The following RRBP1 variants were observed in gnomAD, a reference collection of about 807,000 sequenced individuals.
RRBP1 encodes ribosome binding protein 1.
Under a neutral mutation model 165.2 loss-of-function variants are expected in RRBP1, and 94 were observed. The ratio of observed to expected loss-of-function variants is 0.57; its 90% confidence interval spans 0.48 to 0.68. The LOEUF (loss-of-function observed/expected upper bound fraction) is 0.68, where lower values mean the gene tolerates loss of function less well. Among genes scored for constraint, RRBP1 ranks in the 30% least tolerant of loss-of-function variants. The probability of loss-of-function intolerance (pLI) is 0.00; values close to 1 mark genes in which losing one functional copy is unlikely to be tolerated. For missense variants in RRBP1, 1,676 were observed against 1,763.0 expected, an observed-to-expected ratio of 0.95 and a Z score of 0.88; for synonymous variants, 680 against 714.5, an observed-to-expected ratio of 0.95 and a Z score of 0.77.
intron 21 of RRBP1, 37 bp from the exon 22 acceptor site, chr20:17,616,046 T>A (rs745993034): frequency 1.3e-6 from 2 of 1,573,954 alleles, no homozygotes; most frequent in Non-Finnish European, 1.7e-6. Flanking sequence ...GGCAGCCCGG[T>A]GAGGAACCCT....
In RRBP1 at chr20:17,620,758, A is replaced by G. The variant is rs751915116; in HGVS notation, c.3464T>C (p.Val1155Ala). 1 of 1,608,662 alleles carries G rather than the reference A, an allele frequency of 6.2e-7. No homozygotes were observed. The highest frequency in any genetic ancestry group is 2.2e-5 in the East Asian group (1 of 44,868). The part of the protein sequence containing the change: ...LQKSVEEEEQ[V>A]WRAKVGAAEE... ...TGCGGCGCCCACCTTGGCCCTCCAC[A>G]CCTGCTCCTCCTCCTCCACGCTCTT... Residue 1155 changes from valine to alanine, a missense_variant, in exon 17 of 25, where the codon GTG becomes GCG. Val to Ala is a moderately conservative substitution (Grantham distance 64, BLOSUM62 0). This residue lies in a region of RRBP1 where 1,184 missense variants were observed against 1,167.1 expected (regional missense o/e 1.01). Coordinates refer to ENST00000377813, the MANE Select transcript of RRBP1 (RefSeq NM_001365613.2).
intron 13 of RRBP1, among the ~76,000 whole-genome samples, chr20:17,623,510 ACCCGTGGG>A (rs1169054825): frequency 6.6e-6 from 1 of 152,128 alleles, no homozygotes; most frequent in Non-Finnish European, 1.5e-5. Context: ...CCCAAAAGCA[ACCCGTGGG>A]CTCAGACACT....
At chr20:17,663,744 C>T (rs1009883195) in intron 2 of RRBP1, among the ~76,000 whole-genome samples, 1 of 152,174 alleles carries the variant, frequency 6.6e-6, no homozygotes, top group African/African-American at 2.4e-5. Context: ...TTCTCACAAT[C>T]AGCATTCCGG....
rs549585462 is a variant in RRBP1 at position 17,630,397 on chromosome 20, G to A, written c.2611-436C>T. On this transcript the variant is annotated intron_variant, in intron 8 of 24. Coordinates refer to ENST00000377813, the MANE Select transcript of RRBP1 (RefSeq NM_001365613.2). ...ACACACACGCACGGTGCACCACTGC[G>A]ATCACGCTATAGGGCAGTGCTCTTA... 1.1e-4 allele frequency among the ~76,000 whole-genome samples: 17 copies of A among 152,328 alleles called. No individual in the cohort carries two copies. The South Asian group carries it at 2.7e-3, about 24-fold the overall frequency.
intron 2 of RRBP1, among the ~76,000 whole-genome samples, chr20:17,672,016 G>T (rs1427706750): frequency 6.6e-6 from 1 of 152,210 alleles, no homozygotes; most frequent in East Asian, 1.9e-4. Flanking sequence ...CCAGGAGGCT[G>T]GCTGTGCCAG....
intron 3 of RRBP1, among the ~76,000 whole-genome samples, chr20:17,655,703 T>A: frequency 6.6e-6 from 1 of 152,316 alleles, no homozygotes; most frequent in East Asian, 1.9e-4. Context: ...AAACTACTCA[T>A]CCCTTTGAGG....
intron 13 of RRBP1, chr20:17,623,225 A>C (rs1283248002): frequency 6.6e-6 from 1 of 152,262 alleles, no homozygotes; most frequent in East Asian, 1.9e-4. Flanking sequence ...TAGGAGTCTA[A>C]CTATAGCTCT....
Position 17,627,652 on chromosome 20 carries a change from G to A in RRBP1, c.2780C>T (p.Ala927Val), listed in dbSNP as rs747645888. 2.3e-5 allele frequency: 37 copies of A among 1,609,606 alleles called. No homozygotes were observed. Among genetic ancestry groups the A allele is most frequent in the Admixed American group, 3.4e-5 (2 of 59,334 alleles). Residue 927 changes from alanine (A) to valine (V), a missense_variant, in exon 10 of 25, where the codon GCG (alanine) becomes GTG (valine). By Grantham distance (64) the Ala-to-Val change is moderately conservative (BLOSUM62 0). Transcript: ENST00000377813. ...ELHSKLQSSE[A>V]EVRSKCEELS... ...CTCCTCGCATTTGCTGCGCACCTCCGCCTCGGAGGACTGTAACTTGCTGTG... is the reference window on the plus strand; with the variant it reads ...CTCCTCGCATTTGCTGCGCACCTCCACCTCGGAGGACTGTAACTTGCTGTG...
intron 9 of RRBP1, among the ~76,000 whole-genome samples, chr20:17,629,235 G>A (rs2036098052): frequency 6.6e-6 from 1 of 152,232 alleles, no homozygotes; most frequent in Non-Finnish European, 1.5e-5. Flanking sequence ...GAGGGGCTCG[G>A]GAAGCGCCAG....
chr20:17,669,326 C>T (rs1201171699), intron 2 of RRBP1, among the ~76,000 whole-genome samples: 3 of 152,196 alleles, frequency 2.0e-5, no homozygotes, highest in Admixed American at 1.3e-4. Context: ...AAATCTTCTG[C>T]GAACTTCCAA....
chr20:17,662,667 G>A (rs767773949), intron 2 of RRBP1, among the ~76,000 whole-genome samples: 3 of 152,112 alleles, frequency 2.0e-5, no homozygotes, highest in Non-Finnish European at 4.4e-5. Flanking sequence ...GGCCTTCCGA[G>A]AACACACTCT....
chr20:17,616,868 T>C (rs1195000172), intron 20 of RRBP1, 29 bp from the exon 21 acceptor site: 5 of 1,541,708 alleles, frequency 3.2e-6, no homozygotes, highest in African/African-American at 2.7e-5. Context: ...TGTTTGCAAA[T>C]GCACAGCCAG....
At chr20:17,671,704 C>T (rs1350038723) in intron 2 of RRBP1, among the ~76,000 whole-genome samples, 7 of 152,176 alleles carry the variant, frequency 4.6e-5, no homozygotes, top group African/African-American at 1.7e-4. Context: ...CTGCCCCCTG[C>T]GCCTGGAGAT....
intron 2 of RRBP1, among the ~76,000 whole-genome samples, chr20:17,679,256 AG>A (rs1343042130): frequency 1.3e-5 from 2 of 152,256 alleles, no homozygotes; most frequent in African/African-American, 4.8e-5. Context: ...AGTTGGGCTA[AG>A]CTTCATTTAT....
intron 4 of RRBP1, 30 bp from the exon 5 acceptor site, chr20:17,641,949 G>T (rs1323849397): frequency 1.9e-6 from 3 of 1,599,838 alleles, no homozygotes; most frequent in Non-Finnish European, 2.6e-6. Context: ...CGTTAACAGA[G>T]GGGACAAATG....
chr20:17,624,683 G>C lies in RRBP1; in HGVS notation c.3055-15C>G, dbSNP rs1265073561. The C allele has an allele frequency of 6.4e-7, 1 of 1,553,378 alleles. No homozygotes were observed. The highest frequency in any genetic ancestry group is 1.4e-5 in the African/African-American group (1 of 73,968). On this transcript the variant is annotated splice_polypyrimidine_tract_variant and intron_variant, in intron 12 of 24. Transcript: ENST00000377813. ...TCCCGGAGGTCCTGGAGGGGACACAGGTGAAAGGTCAGCAGCCTGCACTGG... is the reference window on the plus strand; with the variant it reads ...TCCCGGAGGTCCTGGAGGGGACACACGTGAAAGGTCAGCAGCCTGCACTGG...
At chr20:17,677,774 A>C (rs1339848121) in intron 2 of RRBP1, among the ~76,000 whole-genome samples, 1 of 152,118 alleles carries the variant, frequency 6.6e-6, no homozygotes, top group Non-Finnish European at 1.5e-5. Flanking sequence ...GGGAGGTAGA[A>C]GTTGCAGTAA....
chr20:17,618,494 G>A lies in RRBP1; in HGVS notation c.3759+102C>T, dbSNP rs536887206. The stretch of plus-strand genomic sequence containing the variant: ...ACGGGTGACACTGTCCCTTCCCTAG[G>A]CTTTATCTTTGAGTGGACACAAACG... On this transcript the variant is annotated intron_variant, in intron 20 of 24. Transcript: ENST00000377813. 85 of 963,910 alleles carry A rather than the reference G, an allele frequency of 8.8e-5. No individual in the cohort carries two copies. The East Asian group carries it at 2.0e-3, about 23-fold the overall frequency. The allele number at this position is 963,910 out of a possible 1,614,324, so 59.7% of individuals were successfully genotyped here. A position where few individuals can be genotyped will look rare whatever the true frequency, so the allele number is the denominator to read the frequency against.
intron 16 of RRBP1, 42 bp downstream of exon 16, chr20:17,621,416 A>G (rs2035910245): frequency 1.3e-6 from 2 of 1,503,968 alleles, no homozygotes; most frequent in Non-Finnish European, 1.8e-6. Flanking sequence ...CCTTCCCTGC[A>G]GCCTCCCAGG....
Sources: allele counts gnomAD v4.1 joint callset (sites outside exome capture counted in the v4.1 genomes callset), GRCh38; gene constraint gnomAD v4.1.1; regional missense constraint gnomAD v4.1.1; transcripts MANE v1.5; gene names NCBI Gene and HGNC (gene_info 2026-07-23, HGNC 2026-07-21).